The following WFDC8 variants were observed in gnomAD, a reference collection of about 807,000 sequenced individuals.
WFDC8 encodes WAP four-disulfide core domain protein 8.
In WFDC8, 24 loss-of-function variants were observed where a neutral mutation model predicts 27.0. The observed-to-expected ratio is 0.89, with a 90% CI of 0.64 to 1.25. WFDC8 has a LOEUF of 1.25. WFDC8 is among the 50% of genes most tolerant of loss of function. WFDC8 has a pLI of 0.00. For missense variants in WFDC8, 287 were observed against 295.9 expected (o/e 0.97, Z 0.22); for synonymous variants, 106 against 99.7 (o/e 1.06, Z -0.38).
chr20:45,555,500 T>C (rs756966391), intron 4 of WFDC8, among the ~76,000 whole-genome samples: 1 of 152,214 alleles, frequency 6.6e-6, no homozygotes, highest in Non-Finnish European at 1.5e-5. Flanking sequence ...ATTAGGTAAA[T>C]ACTATTATTA....
In WFDC8 at chr20:45,551,946, G is replaced by A; in HGVS notation, c.*80C>T. ...GATACTTAAGATAATTTGGCAAGTTGGATACAAGACAAAACTGACAGCTCT... is the reference window on the plus strand; with the variant it reads ...GATACTTAAGATAATTTGGCAAGTTAGATACAAGACAAAACTGACAGCTCT... On this transcript the variant is annotated 3_prime_UTR_variant, in exon 6 of 6. Transcript: ENST00000289953. 2 of 1,525,120 alleles carry A rather than the reference G, an allele frequency of 1.3e-6. No individual in the cohort carries two copies. The highest frequency in any genetic ancestry group is 2.3e-5 in the East Asian group (1 of 43,874). 94.5% of individuals were successfully genotyped at this position (1,525,120 alleles called of 1,614,324 possible).
chr20:45,560,047 T>A (rs963342772), intron 2 of WFDC8, among the ~76,000 whole-genome samples: 1 of 152,220 alleles, frequency 6.6e-6, no homozygotes, highest in Non-Finnish European at 1.5e-5. Flanking sequence ...TAGTTGACTT[T>A]AAGATTAGAG....
intron 1 of WFDC8, among the ~76,000 whole-genome samples, chr20:45,566,682 T>TAATAA (rs1213339115): frequency 6.6e-6 from 1 of 151,950 alleles, no homozygotes; most frequent in Non-Finnish European, 1.5e-5. Flanking sequence ...AAACAAAAAA[T>TAATAA]AATAAAATAA....
chr20:45,553,120 T>A lies in WFDC8; in HGVS notation c.586+16A>T, dbSNP rs1317954886. ...ACATGCCCAATAGATTTGGGAGGTATATCCCCAATCCTTACCTGTCCAGGC... is the reference window on the plus strand; with the variant it reads ...ACATGCCCAATAGATTTGGGAGGTAAATCCCCAATCCTTACCTGTCCAGGC... On this transcript the variant is annotated intron_variant, in intron 5 of 5. Transcript: ENST00000289953. The A allele has an allele frequency of 6.2e-7, 1 of 1,605,574 alleles. No homozygotes were observed. Among genetic ancestry groups the A allele is most frequent in the Non-Finnish European group, 8.5e-7 (1 of 1,176,672 alleles).
chr20:45,574,564 G>A (rs916131042), intron 1 of WFDC8, among the ~76,000 whole-genome samples: 4 of 152,328 alleles, frequency 2.6e-5, no homozygotes, highest in East Asian at 1.9e-4. Flanking sequence ...GGAGGCCAAG[G>A]AGGGCAGATC....
intron 2 of WFDC8, chr20:45,559,768 A>G (rs189125820): frequency 3.9e-5 from 6 of 152,264 alleles, no homozygotes; most frequent in African/African-American, 9.6e-5. Context: ...AAACTACAGC[A>G]CCCAGTGTTT....
intron 1 of WFDC8, among the ~76,000 whole-genome samples, chr20:45,571,142 A>T (rs2145575757): frequency 6.6e-6 from 1 of 152,152 alleles, no homozygotes; most frequent in Middle Eastern, 3.4e-3. Flanking sequence ...TTTAAGTTTA[A>T]TATTATTCCT....
chr20:45,555,192 G>A (rs1056700106), intron 4 of WFDC8, among the ~76,000 whole-genome samples: 1 of 152,154 alleles, frequency 6.6e-6, no homozygotes, highest in Non-Finnish European at 1.5e-5. Flanking sequence ...TCCTAAGTTT[G>A]GTAGGACACT....
intron 4 of WFDC8, 137 bp downstream of exon 4, chr20:45,555,564 A>G: frequency 1.0e-6 from 1 of 969,434 alleles, no homozygotes; most frequent in Admixed American, 2.5e-5. Context: ...CAACTGGCCC[A>G]AGACCTCCCA....
chr20:45,558,367 T>C (rs1430230432), intron 3 of WFDC8, among the ~76,000 whole-genome samples: 2 of 152,232 alleles, frequency 1.3e-5, no homozygotes, highest in Admixed American at 1.3e-4. Context: ...TGGTGGTCTT[T>C]GTTCAAAGGG....
At chr20:45,555,952 C>G in intron 3 of WFDC8, 84 bp from the exon 4 acceptor site, 1 of 1,392,922 alleles carries the variant, frequency 7.2e-7, no homozygotes, top group African/African-American at 1.4e-5. Context: ...CTCATAACTC[C>G]TGGTGTTATC....
downstream of WFDC8, chr20:45,551,758 A>G: frequency 6.0e-6 from 2 of 330,606 alleles, no homozygotes; most frequent in Non-Finnish European, 1.1e-5. Context: ...GAACTAGACA[A>G]GGATGGATGC....
rs763483954 is a variant in WFDC8, at chr20:45,558,859, G to A, written c.270C>T (p.Pro90=). ...FFACQKKCMD[P]FQEPCMLPVR... is the part of the protein sequence containing the mutation. ...CAGCCTGGACATCGCTACCTTGAAAGGGATCCATGCACTTCTTCTGACAGG... is the reference window on the plus strand; with the variant it reads ...CAGCCTGGACATCGCTACCTTGAAAAGGATCCATGCACTTCTTCTGACAGG... Residue 90 remains proline, a synonymous_variant, in exon 3 of 6, where the codon CCC becomes CCT. Transcript: ENST00000289953. The A allele has an allele frequency of 6.2e-7, 1 of 1,614,160 alleles. No homozygotes were observed. The highest frequency in any genetic ancestry group is 1.1e-5 in the South Asian group (1 of 91,072).
At chr20:45,565,269 T>C (rs1161894777) in intron 1 of WFDC8, among the ~76,000 whole-genome samples, 1 of 152,144 alleles carries the variant, frequency 6.6e-6, no homozygotes, top group African/African-American at 2.4e-5. Context: ...ATTTGAAATT[T>C]TACCTCCGTC....
chr20:45,577,766 G>A (rs537981755), intron 1 of WFDC8, among the ~76,000 whole-genome samples: 24 of 149,252 alleles, frequency 1.6e-4, no homozygotes, highest in African/African-American at 5.8e-4. Flanking sequence ...CAGCACTTTG[G>A]GAGGCTGAGG....
At chr20:45,572,894 A>G (rs1173643098) in intron 1 of WFDC8, among the ~76,000 whole-genome samples, 1 of 152,248 alleles carries the variant, frequency 6.6e-6, no homozygotes, top group Non-Finnish European at 1.5e-5. Flanking sequence ...GGCGTGAGCC[A>G]CCGCGCCCAG....
intron 2 of WFDC8, 61 bp downstream of exon 2, chr20:45,562,049 C>T: frequency 6.6e-7 from 1 of 1,507,620 alleles, no homozygotes. Context: ...GGCCTCATGT[C>T]TAACCCTCAT....
In WFDC8 at chr20:45,568,161, A is replaced by G. The variant is rs145491997; in HGVS notation, c.27-5942T>C. The G allele has an allele frequency of 1.1e-4, 37 of 331,426 alleles. No individual in the cohort carries two copies. The East Asian group carries it at 2.1e-3, about 19-fold the overall frequency. The allele number at this position is 331,426 out of a possible 1,614,324, so 20.5% of individuals were successfully genotyped here. Reference sequence around the variant, plus strand: ...TTCCACTACCCAATTTCCAACTGGTATACTGTCCACAGAAAATTTGGAGTT... The same window carrying G: ...TTCCACTACCCAATTTCCAACTGGTGTACTGTCCACAGAAAATTTGGAGTT... On this transcript the variant is annotated intron_variant, in intron 1 of 5. Transcript: ENST00000289953.
chr20:45,561,427 C>T (rs1429900471), intron 2 of WFDC8, among the ~76,000 whole-genome samples: 1 of 152,130 alleles, frequency 6.6e-6, no homozygotes, highest in African/African-American at 2.4e-5. Flanking sequence ...CTTCTTATGC[C>T]CAAGCACTAC....
Sources: allele counts gnomAD v4.1 joint callset (sites outside exome capture counted in the v4.1 genomes callset), GRCh38; gene constraint gnomAD v4.1.1; transcripts MANE v1.5; gene names NCBI Gene and HGNC (gene_info 2026-07-23, HGNC 2026-07-21).